Variants in AUH observed in about 807,000 individuals in gnomAD.
AUH encodes AU RNA binding methylglutaconyl-CoA hydratase, also known as methylglutaconyl-CoA hydratase, mitochondrial.
Under a neutral mutation model 42.3 loss-of-function variants are expected in AUH, and 29 were observed. The observed-to-expected ratio is 0.69, with a 90% CI of 0.51 to 0.93. The LOEUF is 0.93. AUH is among the 40% of genes least tolerant of loss of function. The pLI is 0.00. For missense variants in AUH, 452 were observed against 438.1 expected, an observed-to-expected ratio of 1.03 and a Z score of -0.28; for synonymous variants, 174 against 166.4, an observed-to-expected ratio of 1.05 and a Z score of -0.35.
chr9:91,305,511 G>C (rs1202772163), intron 4 of AUH, among the ~76,000 whole-genome samples: 1 of 152,138 alleles, frequency 6.6e-6, no homozygotes, highest in African/African-American at 2.4e-5. Context: ...GCAACTGTGG[G>C]GAGTTCAAAT....
intron 6 of AUH, among the ~76,000 whole-genome samples, chr9:91,238,328 G>A (rs954401921): frequency 2.6e-5 from 4 of 152,216 alleles, no homozygotes; most frequent in Admixed American, 2.6e-4. Context: ...GAAGGGAAAA[G>A]GGGGAATGGG....
intron 4 of AUH, among the ~76,000 whole-genome samples, chr9:91,320,243 C>T (rs887226685): frequency 6.6e-6 from 1 of 152,172 alleles, no homozygotes; most frequent in Admixed American, 6.5e-5. Context: ...AGAATCTGTA[C>T]GTATGCATAT....
chr9:91,222,499 G>A (rs573144565), intron 6 of AUH, among the ~76,000 whole-genome samples: 84 of 152,374 alleles, frequency 5.5e-4, no homozygotes, highest in African/African-American at 1.9e-3. Context: ...AGCCGTTAGA[G>A]ATGGTGAGTT....
chr9:91,217,198 T>C (rs1000454412), intron 8 of AUH, 79 bp downstream of exon 8: 13 of 1,427,722 alleles, frequency 9.1e-6, no homozygotes, highest in South Asian at 4.8e-5. Context: ...AAAAAAAATG[T>C]AGAAGTCTAA....
intron 3 of AUH, among the ~76,000 whole-genome samples, chr9:91,332,320 G>A (rs907821425): frequency 6.6e-6 from 1 of 152,058 alleles, no homozygotes; most frequent in Non-Finnish European, 1.5e-5. Flanking sequence ...TGGCCAAAAT[G>A]GCGACACCCC....
At position 91,361,755 on chromosome 9, in the gene AUH, C is replaced by T. The variant is rs774989333; in HGVS notation, c.135G>A (p.Ala45=). ...RLPGSLAGRR[A]GPAIWAQGWV... is the part of the protein sequence containing the mutation. ...AGCCCTGGGCCCAGATCGCCGGGCC[C>T]GCTCGCCGGCCTGCCAACGAGCCGG... The change falls in exon 1 of 10, where the codon GCG becomes GCA. Residue 45 remains alanine, a synonymous_variant. Coordinates refer to ENST00000375731, the MANE Select transcript of AUH (RefSeq NM_001698.3). 4.2e-4 allele frequency: 654 copies of T among 1,544,646 alleles called. 5 individuals carry two copies. The highest frequency in any genetic ancestry group is 7.2e-5 in the South Asian group (6 of 83,234).
chr9:91,234,267 C>G (rs1828052574), intron 6 of AUH, among the ~76,000 whole-genome samples: 1 of 152,212 alleles, frequency 6.6e-6, no homozygotes, highest in Non-Finnish European at 1.5e-5. Flanking sequence ...TACATCAGGT[C>G]TGGCCTGCTG....
intron 6 of AUH, among the ~76,000 whole-genome samples, chr9:91,252,966 C>T (rs1452090986): frequency 1.3e-5 from 2 of 152,322 alleles, no homozygotes; most frequent in African/African-American, 2.4e-5. Context: ...TTTTTCTATA[C>T]ATCCAACATA....
chr9:91,345,216 A>T (rs536827763), intron 3 of AUH, among the ~76,000 whole-genome samples: 1 of 152,222 alleles, frequency 6.6e-6, no homozygotes, highest in African/African-American at 2.4e-5. Flanking sequence ...TATAAAAAAA[A>T]ATAAAAGGTG....
chr9:91,235,291 C>T lies in AUH; in HGVS notation c.656-14299G>A, dbSNP rs564642258. Among the ~76,000 whole-genome samples the T allele has an allele frequency of 5.3e-5, 8 of 152,136 alleles. No individual in the cohort carries two copies. The South Asian group carries it at 8.3e-4, about 16-fold the overall frequency. On this transcript the variant is annotated intron_variant, in intron 6 of 9. Coordinates refer to ENST00000375731, the MANE Select transcript of AUH (RefSeq NM_001698.3). Reference sequence around the variant, plus strand: ...AGGATGGCAGCTTGGACCGAGACAGCGCAAGGTAGGGAGAGAGATGTGGAG... The same window carrying T: ...AGGATGGCAGCTTGGACCGAGACAGTGCAAGGTAGGGAGAGAGATGTGGAG...
intron 4 of AUH, 95 bp from the exon 5 acceptor site, chr9:91,298,171 A>G: frequency 1.1e-6 from 1 of 909,930 alleles, no homozygotes; most frequent in South Asian, 1.4e-5. Context: ...TATGCTTTAA[A>G]TGGGAGATCA....
chr9:91,304,462 A>G (rs1215991228), intron 4 of AUH, among the ~76,000 whole-genome samples: 1 of 152,252 alleles, frequency 6.6e-6, no homozygotes, highest in Non-Finnish European at 1.5e-5. Context: ...GAGTAAGACC[A>G]TGAGTGGCAA....
intron 6 of AUH, among the ~76,000 whole-genome samples, chr9:91,223,681 T>C (rs1827264900): frequency 6.6e-6 from 1 of 152,186 alleles, no homozygotes; most frequent in Non-Finnish European, 1.5e-5. Flanking sequence ...TTTACATTCC[T>C]ACCAACAGAG....
intron 6 of AUH, among the ~76,000 whole-genome samples, chr9:91,247,057 T>C (rs1398374975): frequency 6.6e-6 from 1 of 152,154 alleles, no homozygotes; most frequent in Non-Finnish European, 1.5e-5. Context: ...TTCAGCCTAC[T>C]CACACTCAAT....
chr9:91,261,060 C>T (rs298723), intron 6 of AUH, among the ~76,000 whole-genome samples: 86,713 of 152,006 alleles, frequency 0.57, 28,324 homozygotes, highest in East Asian at 0.95. Context: ...TGAGTATAAA[C>T]GTAGTCGTGG....
In AUH at chr9:91,220,926, C is replaced by A; in HGVS notation, c.722G>T (p.Arg241Leu). The A allele has an allele frequency of 6.2e-7, 1 of 1,614,222 alleles. No homozygotes were observed. The highest frequency in any genetic ancestry group is 8.5e-7 in the Non-Finnish European group (1 of 1,180,036). Residue 241 changes from arginine (R) to leucine (L), a missense_variant, in exon 7 of 10, where the codon CGA becomes CTA. Coordinates refer to ENST00000375731, the MANE Select transcript of AUH (RefSeq NM_001698.3). Reference sequence around the variant, plus strand: ...TTTGGCTTCTTTGCCATCGAGGACTCGCGCAGAGAATATGAGCTCCTTGGC... The same window carrying A: ...TTTGGCTTCTTTGCCATCGAGGACTAGCGCAGAGAATATGAGCTCCTTGGC... ...SLAKELIFSA[R>L]VLDGKEAKAV... is the part of the protein sequence containing the mutation.
chr9:91,227,094 C>A (rs1262809962), intron 6 of AUH, among the ~76,000 whole-genome samples: 3 of 151,510 alleles, frequency 2.0e-5, no homozygotes, highest in Non-Finnish European at 4.4e-5. Flanking sequence ...TAAAGAAAGG[C>A]ATTGGTAGCT....
At chr9:91,284,647 A>G (rs553680194) in intron 6 of AUH, among the ~76,000 whole-genome samples, 2 of 152,306 alleles carry the variant, frequency 1.3e-5, no homozygotes, top group South Asian at 4.1e-4. Context: ...ATCACAAAGT[A>G]GGCGAAGGAT....
intron 5 of AUH, among the ~76,000 whole-genome samples, chr9:91,296,899 C>T (rs1827380806): frequency 6.6e-6 from 1 of 152,206 alleles, no homozygotes; most frequent in Admixed American, 6.5e-5. Flanking sequence ...TTATGCTGCC[C>T]AGGCTAGTCT....
Sources: gnomAD v4.1 joint callset for allele counts (sites outside exome capture counted in the v4.1 genomes callset) on GRCh38, gnomAD v4.1.1 for gene constraint, MANE v1.5 for transcripts, NCBI Gene and HGNC (gene_info 2026-07-23, HGNC 2026-07-21) for gene names.